Variants in LIPG observed in about 807,000 individuals in gnomAD.
LIPG encodes endothelial lipase.
A neutral mutation model predicts 51.8 loss-of-function variants in LIPG; 34 were observed. The ratio of observed to expected loss-of-function variants is 0.66; its 90% CI spans 0.50 to 0.87. The LOEUF is 0.87. LIPG is among the 40% of genes least tolerant of loss of function. The pLI is 0.00. For missense variants in LIPG, 580 were observed against 652.7 expected (o/e 0.89, Z 1.21); for synonymous variants, 246 against 246.1 (o/e 1.00, Z 0.00).
chr18:49,571,184 C>T (rs1652403233), intron 4 of LIPG, among the ~76,000 whole-genome samples: 1 of 152,194 alleles, frequency 6.6e-6, no homozygotes, highest in Non-Finnish European at 1.5e-5. Flanking sequence ...AGCAGTTTGA[C>T]TGGAAGCCAC....
intron 3 of LIPG, among the ~76,000 whole-genome samples, chr18:49,568,944 CAG>C (rs1200187770): frequency 1.3e-5 from 2 of 152,272 alleles, no homozygotes; most frequent in East Asian, 1.9e-4. Flanking sequence ...AGTGCTCTGA[CAG>C]GGGACAATGC....
At chr18:49,585,401 G>A (rs1347410619) in intron 8 of LIPG, among the ~76,000 whole-genome samples, 1 of 152,182 alleles carries the variant, frequency 6.6e-6, no homozygotes, top group Non-Finnish European at 1.5e-5. Context: ...ACAATGTATA[G>A]AATTTTGGAT....
In LIPG at chr18:49,569,460, G is replaced by C. The variant is rs1193485658; in HGVS notation, c.483G>C (p.Gly161=). The C allele has an allele frequency of 6.2e-7, 1 of 1,614,200 alleles. No homozygotes were observed. The highest frequency in any genetic ancestry group is 1.7e-5 in the Admixed American group (1 of 60,022). ...AGGAGAAGGACGATTTTTCTCTCGG[G>C]AATGTCCACTTGATCGGCTACAGCC... The part of the protein sequence containing the change: ...WLQEKDDFSL[G]NVHLIGYSLG... The change falls in exon 4 of 10, where the codon GGG becomes GGC. Residue 161 remains glycine, a synonymous_variant. Coordinates refer to ENST00000261292, the MANE Select transcript of LIPG (RefSeq NM_006033.4).
intron 5 of LIPG, among the ~76,000 whole-genome samples, chr18:49,578,878 G>A (rs1325442669): frequency 3.7e-5 from 5 of 134,698 alleles, no homozygotes; most frequent in Non-Finnish European, 8.0e-5. Flanking sequence ...CAGGCGTGGT[G>A]GCGCGTGCCT....
At chr18:49,561,803 A>C (rs547413844), upstream of LIPG, 98 of 1,255,914 alleles carry the variant, frequency 7.8e-5, 1 homozygote, top group East Asian at 2.7e-3. Flanking sequence ...GGAGGAGGGC[A>C]GTGGGAGAAA....
chr18:49,567,750 T>G (rs1480916090), intron 3 of LIPG, 129 bp downstream of exon 3: 1 of 869,316 alleles, frequency 1.2e-6, no homozygotes, highest in African/African-American at 1.7e-5. Context: ...AGATTAAAAG[T>G]TTTATTGAAT....
chr18:49,583,448 GTCTC>G, intron 7 of LIPG, 104 bp from the exon 8 acceptor site: 3 of 880,746 alleles, frequency 3.4e-6, no homozygotes, highest in Non-Finnish European at 5.7e-6. Flanking sequence ...CACTCACACT[GTCTC>G]TCTCCTGTCT....
chr18:49,593,876 A>G lies in LIPG; in HGVS notation c.*3354A>G, dbSNP rs1383459477. The G allele has an allele frequency of 2.0e-5, 3 of 152,224 alleles. No individual in the cohort carries two copies. Among genetic ancestry groups the G allele is most frequent in the African/African-American group, 4.8e-5 (2 of 41,464 alleles). 9.4% of individuals were successfully genotyped at this position (152,224 alleles called of 1,614,324 possible). On this transcript the variant is annotated 3_prime_UTR_variant, in exon 10 of 10. Coordinates refer to ENST00000261292, the MANE Select transcript of LIPG (RefSeq NM_006033.4). Reference sequence around the variant, plus strand: ...CAATTACTATTTATTTAAAATTGACATATAATAATTGTACATATTTGTGGG... The same window carrying G: ...CAATTACTATTTATTTAAAATTGACGTATAATAATTGTACATATTTGTGGG...
At chr18:49,561,769 G>T (rs932127126), upstream of LIPG, 41 of 1,250,542 alleles carry the variant, frequency 3.3e-5, no homozygotes, top group Non-Finnish European at 4.0e-5. Flanking sequence ...GGATGGCAGT[G>T]GGGAGAGGAG....
At chr18:49,561,733 A>G (rs60952978), upstream of LIPG, 1,568 of 1,244,662 alleles carry the variant, frequency 1.3e-3, 18 homozygotes, top group African/African-American at 0.022. Context: ...GCAGAGTTTC[A>G]GGGAAATGTC....
chr18:49,581,950 A>G, intron 6 of LIPG: 1 of 592,542 alleles, frequency 1.7e-6, no homozygotes, highest in Non-Finnish European at 3.0e-6. Flanking sequence ...TTCTCATTTG[A>G]TCATCACAAG....
intron 5 of LIPG, among the ~76,000 whole-genome samples, chr18:49,579,008 GGGAGA>G (rs1600558338): frequency 1.4e-3 from 10 of 6,944 alleles, no homozygotes; most frequent in African/African-American, 0.012. Context: ...CGTGGGGAGA[GGGAGA>G]GGGAGAGGGA....
At position 49,595,909 on chromosome 18, in the gene LIPG, A is replaced by G. The variant is rs1403597736; in HGVS notation, c.*5387A>G. The G allele has an allele frequency of 1.3e-5, 2 of 152,216 alleles. No individual in the cohort carries two copies. The highest frequency in any genetic ancestry group is 2.1e-4 in the South Asian group (1 of 4,824). 9.4% of individuals were successfully genotyped at this position (152,216 alleles called of 1,614,324 possible). ...ATTTTATGTATGATAAAAGGGGCCT[A>G]TTAGTCTTTGGGAAAGGAATGGATG... On this transcript the variant is annotated 3_prime_UTR_variant, in exon 10 of 10. Coordinates refer to ENST00000261292, the MANE Select transcript of LIPG (RefSeq NM_006033.4).
intron 8 of LIPG, among the ~76,000 whole-genome samples, chr18:49,585,076 T>C (rs938624347): frequency 6.6e-6 from 1 of 152,228 alleles, no homozygotes; most frequent in Non-Finnish European, 1.5e-5. Context: ...TTACTGTTTT[T>C]TTTGAGACTG....
In LIPG at chr18:49,577,264, C is replaced by T. The variant is rs1251745045; in HGVS notation, c.793+1674C>T. ...CAAGCATCTGTTTAACAAAGCACATCTTGCACCGCCCTTAATCCATTTAAC... is the reference window on the plus strand; with the variant it reads ...CAAGCATCTGTTTAACAAAGCACATTTTGCACCGCCCTTAATCCATTTAAC... On this transcript the variant is annotated intron_variant, in intron 5 of 9. Coordinates refer to ENST00000261292, the MANE Select transcript of LIPG (RefSeq NM_006033.4). Among the ~76,000 whole-genome samples the T allele has an allele frequency of 9.9e-4, 138 of 139,056 alleles. No individual in the cohort carries two copies. In the Middle Eastern group the frequency reaches 0.01, roughly 11 times the overall value. 91.2% of individuals were successfully genotyped at this position (139,056 alleles called of 152,430 possible). A position where few individuals can be genotyped will look rare whatever the true frequency, so the allele number is the denominator to read the frequency against.
At chr18:49,569,596 C>G in intron 4 of LIPG, 48 bp downstream of exon 4, 1 of 1,423,202 alleles carries the variant, frequency 7.0e-7, no homozygotes, top group African/African-American at 1.4e-5. Flanking sequence ...TGCGCTAAGC[C>G]GGAATGCTCC....
Position 49,591,062 on chromosome 18 carries a change from TCCTG to T in LIPG, c.*542_*545del. On this transcript the variant is annotated 3_prime_UTR_variant, in exon 10 of 10. Transcript: ENST00000261292. ...TACTGCTTACGTCTTAGCCATTCCG[TCCTG>T]CTCCCCAGCTCACTCTCTGAAGCAC... 8.9e-5 allele frequency: 16 copies of T among 180,156 alleles called. No individual in the cohort carries two copies. The highest frequency in any genetic ancestry group is 3.2e-4 in the Admixed American group (6 of 18,666). The allele number at this position is 180,156 out of a possible 1,614,324, so 11.2% of individuals were successfully genotyped here.
At chr18:49,583,886 G>A (rs889788828) in intron 8 of LIPG, 112 bp downstream of exon 8, 54 of 1,006,542 alleles carry the variant, frequency 5.4e-5, no homozygotes, top group Non-Finnish European at 7.7e-5. Flanking sequence ...CCTCCAGCAT[G>A]CAGGTAAAAC....
rs1314532025 is a variant in LIPG, at chr18:49,562,495, A to G, written c.97+90A>G. The G allele has an allele frequency of 8.5e-6, 10 of 1,178,062 alleles. No homozygotes were observed. In the Admixed American group the frequency reaches 9.3e-5, roughly 11 times the overall value. 73.0% of individuals were successfully genotyped at this position (1,178,062 alleles called of 1,614,324 possible). On this transcript the variant is annotated intron_variant, in intron 1 of 9. Coordinates refer to ENST00000261292, the MANE Select transcript of LIPG (RefSeq NM_006033.4). ...GATTCTTCAAACCCTCCTTGTTCCT[A>G]TGAAATTCTTCCTTTCCCACTGCGC...
Sources: gnomAD v4.1 joint callset for allele counts (sites outside exome capture counted in the v4.1 genomes callset) on GRCh38, gnomAD v4.1.1 for gene constraint, MANE v1.5 for transcripts, NCBI Gene and HGNC (gene_info 2026-07-23, HGNC 2026-07-21) for gene names.